MLKL: variants seen among roughly 807,000 people sequenced by gnomAD.
MLKL encodes mixed lineage kinase domain-like protein.
A neutral mutation model predicts 56.5 loss-of-function variants in MLKL; 55 were observed. That is an observed-to-expected ratio of 0.97 (90% CI 0.78 to 1.22). The LOEUF (loss-of-function observed/expected upper bound fraction) is 1.22, where lower values mean the gene tolerates loss of function less well. Among genes scored for constraint, MLKL ranks in the 50% most tolerant of loss-of-function variants. MLKL has a pLI of 0.00. For synonymous variants in MLKL, 251 were observed against 208.3 expected (o/e 1.20, Z -1.76); for missense variants, 694 against 573.9 (o/e 1.21, Z -2.14).
chr16:74,684,106 C>T (rs1002299592), intron 5 of MLKL, among the ~76,000 whole-genome samples: 1 of 151,506 alleles, frequency 6.6e-6, no homozygotes, highest in Non-Finnish European at 1.5e-5. Flanking sequence ...CACCACCACG[C>T]CCAGTTAATT....
chr16:74,692,452 A>G, intron 2 of MLKL, 36 bp from the exon 3 acceptor site: 1 of 1,540,164 alleles, frequency 6.5e-7, no homozygotes, highest in African/African-American at 1.4e-5. Context: ...CTCAAAATAG[A>G]TATTAAAATC....
intron 10 of MLKL, among the ~76,000 whole-genome samples, chr16:74,674,284 C>G (rs944230713): frequency 2.6e-5 from 4 of 151,638 alleles, no homozygotes; most frequent in African/African-American, 9.7e-5. Flanking sequence ...TCCTGAGTAG[C>G]TGGGACTACA....
At position 74,674,224 on chromosome 16, in the gene MLKL, G is replaced by A. The variant is rs566954014; in HGVS notation, c.1381+736C>T. ...GGCTGGAGCGCAGTGGCGTGATCCT[G>A]ACTCTGCAACCTCTGCCTCCTGGGT... On this transcript the variant is annotated intron_variant, in intron 10 of 10. Coordinates refer to ENST00000308807, the MANE Select transcript of MLKL (RefSeq NM_152649.4). 9.4e-5 allele frequency among the ~76,000 whole-genome samples: 14 copies of A among 149,402 alleles called. No homozygotes were observed. The South Asian group carries it at 2.5e-3, about 27-fold the overall frequency.
rs927516737 is a variant in MLKL at position 74,675,553 on chromosome 16, G to T, written c.1190+60C>A. The stretch of plus-strand genomic sequence containing the variant: ...GTTTAGGTGGTCCTTGGAGGAGTTT[G>T]ATTTGGGTTTTCCTATTATGCACAT... On this transcript the variant is annotated intron_variant, in intron 8 of 10. Transcript: ENST00000308807. 3 of 1,583,084 alleles carry T rather than the reference G, an allele frequency of 1.9e-6. No homozygotes were observed. The African/African-American group carries it at 4.0e-5, about 21-fold the overall frequency.
At chr16:74,699,421 A>C (rs750622501) in intron 1 of MLKL, among the ~76,000 whole-genome samples, 14 of 152,226 alleles carry the variant, frequency 9.2e-5, no homozygotes, top group Non-Finnish European at 1.9e-4. Context: ...TAAAAACTGC[A>C]AAATATTGGG....
intron 10 of MLKL, among the ~76,000 whole-genome samples, 158 bp downstream of exon 10, chr16:74,674,802 C>T (rs1959482071): frequency 6.6e-6 from 1 of 152,174 alleles, no homozygotes; most frequent in Non-Finnish European, 1.5e-5. Flanking sequence ...CCTCCCTGGC[C>T]TTATGACAAA....
chr16:74,672,615 A>G (rs772839917), intron 10 of MLKL, 77 bp from the exon 11 acceptor site: 10 of 1,340,166 alleles, frequency 7.5e-6, no homozygotes, highest in African/African-American at 1.4e-5. Context: ...ACATTTCTAC[A>G]TTGCACAGTC....
chr16:74,696,921 CATTACATATATATAGTAATATATATAAT>C (rs1961076006), intron 1 of MLKL, among the ~76,000 whole-genome samples: 1 of 144,606 alleles, frequency 6.9e-6, no homozygotes, highest in Non-Finnish European at 1.5e-5. Flanking sequence ...AAATGTAATA[CATTACATATATATAGTAATATATATAAT>C]ATTACATATA....
chr16:74,690,476 T>C (rs1960597817), intron 4 of MLKL, among the ~76,000 whole-genome samples: 1 of 152,030 alleles, frequency 6.6e-6, no homozygotes, highest in African/African-American at 2.4e-5. Flanking sequence ...GGAAGCTGAC[T>C]AGGTTCCATC....
intron 6 of MLKL, 21 bp from the exon 7 acceptor site, chr16:74,679,001 G>A (rs760412818): frequency 1.7e-5 from 28 of 1,608,022 alleles, no homozygotes; most frequent in Non-Finnish European, 2.3e-5. Context: ...CAAAGGCGGG[G>A]AGCATAAGTA....
At chr16:74,682,088 A>G (rs1960013374) in intron 6 of MLKL, among the ~76,000 whole-genome samples, 1 of 138,792 alleles carries the variant, frequency 7.2e-6, no homozygotes, top group South Asian at 2.8e-4. Flanking sequence ...TCTACAAAAA[A>G]TATATATAAA....
chr16:74,680,017 A>G (rs879876614), intron 6 of MLKL, among the ~76,000 whole-genome samples: 15 of 152,198 alleles, frequency 9.9e-5, no homozygotes, highest in Non-Finnish European at 2.1e-4. Context: ...CACAGGAAGC[A>G]AAGGAACTGG....
At chr16:74,695,790 C>G in intron 1 of MLKL, 31 bp from the exon 2 acceptor site, 1 of 1,536,522 alleles carries the variant, frequency 6.5e-7, no homozygotes, top group Non-Finnish European at 8.8e-7. Flanking sequence ...TTGGTGAAAT[C>G]CCCAAATCTC....
At chr16:74,673,473 C>T (rs1463974572) in intron 10 of MLKL, among the ~76,000 whole-genome samples, 3 of 152,130 alleles carry the variant, frequency 2.0e-5, no homozygotes, top group Non-Finnish European at 4.4e-5. Flanking sequence ...CTGCCTCAGC[C>T]TCCCAAAGTG....
chr16:74,693,469 G>GA lies in MLKL; in HGVS notation c.461-1054dup, dbSNP rs368453648. Among the ~76,000 whole-genome samples the GA allele has an allele frequency of 6.2e-4, 67 of 107,366 alleles. 1 individual carries two copies. Among genetic ancestry groups the GA allele is most frequent in the East Asian group, 5.8e-3 (15 of 2,598 alleles). The allele number at this position is 107,366 out of a possible 152,430, so 70.4% of individuals were successfully genotyped here. A position where few individuals can be genotyped will look rare whatever the true frequency, so the allele number is the denominator to read the frequency against. On this transcript the variant is annotated intron_variant, in intron 2 of 10. Coordinates refer to ENST00000308807, the MANE Select transcript of MLKL (RefSeq NM_152649.4). ...ACTCTGTCTCAAAAAAAAAAAAAAA[G>GA]AAAAGAAAAAAGAAAGAAAGAAAGA...
chr16:74,686,971 T>G (rs1213720441), intron 4 of MLKL, among the ~76,000 whole-genome samples: 2 of 152,152 alleles, frequency 1.3e-5, no homozygotes, highest in Non-Finnish European at 2.9e-5. Context: ...AGAATTTTGT[T>G]TTGTTTTGTT....
intron 1 of MLKL, among the ~76,000 whole-genome samples, chr16:74,697,725 G>A (rs1961131685): frequency 6.6e-6 from 1 of 151,624 alleles, no homozygotes; most frequent in African/African-American, 2.4e-5. Flanking sequence ...AGGCTGAGGC[G>A]GGAGAATCGC....
At chr16:74,685,800 G>A (rs529831425) in intron 4 of MLKL, among the ~76,000 whole-genome samples, 2 of 152,168 alleles carry the variant, frequency 1.3e-5, no homozygotes, top group Non-Finnish European at 2.9e-5. Context: ...AGATATTAAT[G>A]GGACTTGCTA....
At chr16:74,682,522 A>G in intron 6 of MLKL, 129 bp downstream of exon 6, 1 of 1,283,076 alleles carries the variant, frequency 7.8e-7, no homozygotes, top group East Asian at 2.4e-5. Context: ...AATCAGAGTA[A>G]ATAGTAAAAC....
Sources: allele counts gnomAD v4.1 joint callset (sites outside exome capture counted in the v4.1 genomes callset), GRCh38; gene constraint gnomAD v4.1.1; transcripts MANE v1.5; gene names NCBI Gene and HGNC (gene_info 2026-07-23, HGNC 2026-07-21).